ZNF514: variants seen among roughly 807,000 people sequenced by gnomAD.
ZNF514 encodes the protein zinc finger protein 514.
A neutral mutation model predicts 9.7 loss-of-function variants in ZNF514; 12 were observed. The observed-to-expected ratio is 1.24, with a 90% CI of 0.79 to 2.01. The LOEUF is 2.01. ZNF514 is among the 30% of genes most tolerant of loss of function. The pLI is 0.00. For missense variants in ZNF514, 467 were observed against 465.5 expected, an observed-to-expected ratio of 1.00 and a Z score of -0.03; for synonymous variants, 158 against 163.7, an observed-to-expected ratio of 0.97 and a Z score of 0.27.
In ZNF514 at chr2:95,147,257, A is replaced by T. The variant is rs948802708; in HGVS notation, c.*2025T>A. 2 of 152,202 alleles carry T rather than the reference A, an allele frequency of 1.3e-5. No individual in the cohort carries two copies. The highest frequency in any genetic ancestry group is 4.8e-5 in the African/African-American group (2 of 41,438). 9.4% of individuals were successfully genotyped at this position (152,202 alleles called of 1,614,324 possible). ...ACAGAAAATAAAAAGTGATACCAAAAATGCATAGATGGCTTGAAGTAACAA... is the reference window on the plus strand; with the variant it reads ...ACAGAAAATAAAAAGTGATACCAAATATGCATAGATGGCTTGAAGTAACAA... On this transcript the variant is annotated 3_prime_UTR_variant, in exon 5 of 5. Coordinates refer to ENST00000295208, the MANE Select transcript of ZNF514 (RefSeq NM_032788.3).
At chr2:95,128,242 A>G in the ZNF514 span, among the ~76,000 whole-genome samples, 227 of 152,086 alleles carry the variant, frequency 1.5e-3, no homozygotes, top group Non-Finnish European at 2.8e-3. Context: ...AAAATATAAA[A>G]AGCCAGGCAT....
downstream of ZNF514, among the ~76,000 whole-genome samples, chr2:95,142,326 T>C (rs1379398521): frequency 1.3e-5 from 2 of 152,140 alleles, no homozygotes. Flanking sequence ...AACCCAGCTG[T>C]GGTTTTACTA....
chr2:95,132,692 A>T, the ZNF514 span, among the ~76,000 whole-genome samples: 1 of 151,870 alleles, frequency 6.6e-6, no homozygotes, highest in Non-Finnish European at 1.5e-5. Flanking sequence ...ACATGGCGAA[A>T]CCCCGTCTCC....
chr2:95,133,264 G>A, the ZNF514 span, among the ~76,000 whole-genome samples: 2 of 152,176 alleles, frequency 1.3e-5, no homozygotes, highest in African/African-American at 4.8e-5. Context: ...AGCCCAGGAG[G>A]TTGATGCTGC....
At position 95,146,999 on chromosome 2, in the gene ZNF514, T is replaced by C. The variant is rs1673377107; in HGVS notation, c.*2283A>G. On this transcript the variant is annotated 3_prime_UTR_variant, in exon 5 of 5. Transcript: ENST00000295208. ...GACTCTTAGACCCAGCCTGTCTGCATGGGCCCACTTTGAGCTGGTTCCCTG... is the reference window on the plus strand; with the variant it reads ...GACTCTTAGACCCAGCCTGTCTGCACGGGCCCACTTTGAGCTGGTTCCCTG... Among the ~76,000 whole-genome samples the C allele has an allele frequency of 6.6e-6, 1 of 152,192 alleles. No individual in the cohort carries two copies. Among genetic ancestry groups the C allele is most frequent in the African/African-American group, 2.4e-5 (1 of 41,450 alleles).
rs1481046303 is a variant in ZNF514, at chr2:95,146,423, A to G, written c.*2859T>C. Among the ~76,000 whole-genome samples, 3 of 152,096 alleles carry G rather than the reference A, an allele frequency of 2.0e-5. No individual in the cohort carries two copies. Among genetic ancestry groups the G allele is most frequent in the African/African-American group, 7.2e-5 (3 of 41,416 alleles). On this transcript the variant is annotated 3_prime_UTR_variant, in exon 5 of 5. Transcript: ENST00000295208. ...GAAGGGAAATTTACACAGGTTTCTGACTGATTATGTAGGCTTTAGGTAAGT... is the reference window on the plus strand; with the variant it reads ...GAAGGGAAATTTACACAGGTTTCTGGCTGATTATGTAGGCTTTAGGTAAGT...
intron 4 of ZNF514, 41 bp from the exon 5 acceptor site, chr2:95,150,308 G>C: frequency 6.7e-7 from 1 of 1,496,052 alleles, no homozygotes; most frequent in Non-Finnish European, 8.8e-7. Flanking sequence ...ATTCTAGTAT[G>C]TAGAATGTCC....
chr2:95,159,275 AACCCAGCTC>A lies in ZNF514; in HGVS notation c.-140_-132del. ...GCTCCTCCTCAGGACCAGGCTCTGG[AACCCAGCTC>A]CCACGTGGATCCACACGCACAGTGG... On this transcript the variant is annotated 5_prime_UTR_variant, in exon 1 of 5. Coordinates refer to ENST00000295208, the MANE Select transcript of ZNF514 (RefSeq NM_032788.3). 1 of 160,668 alleles carries A rather than the reference AACCCAGCTC, an allele frequency of 6.2e-6. No homozygotes were observed. Among genetic ancestry groups the A allele is most frequent in the Non-Finnish European group, 1.4e-5 (1 of 73,720 alleles). 10.0% of individuals were successfully genotyped at this position (160,668 alleles called of 1,614,324 possible). A position where few individuals can be genotyped will look rare whatever the true frequency, so the allele number is the denominator to read the frequency against.
the ZNF514 span, among the ~76,000 whole-genome samples, chr2:95,125,433 T>G: frequency 2.0e-5 from 3 of 151,854 alleles, no homozygotes; most frequent in Non-Finnish European, 4.4e-5. Context: ...TAGAGACAGG[T>G]TTCACCATGT....
the ZNF514 span, among the ~76,000 whole-genome samples, chr2:95,123,386 G>C: frequency 6.6e-6 from 1 of 152,166 alleles, no homozygotes. Flanking sequence ...AAAAAGTATA[G>C]ATCTATACTT....
At chr2:95,133,338 A>G in the ZNF514 span, among the ~76,000 whole-genome samples, 4 of 152,206 alleles carry the variant, frequency 2.6e-5, no homozygotes, top group African/African-American at 9.6e-5. Flanking sequence ...TGTCTCAAAA[A>G]GAAAAAGAAG....
chr2:95,139,105 A>C, the ZNF514 span, among the ~76,000 whole-genome samples: 1 of 152,256 alleles, frequency 6.6e-6, no homozygotes, highest in African/African-American at 2.4e-5. Context: ...GCAAGAGTGA[A>C]GAATGCTTGT....
At chr2:95,123,823 G>A in the ZNF514 span, among the ~76,000 whole-genome samples, 1 of 152,200 alleles carries the variant, frequency 6.6e-6, no homozygotes, top group Non-Finnish European at 1.5e-5. Flanking sequence ...CAAGCCTCCA[G>A]ACTCTGTTAA....
Position 95,149,145 on chromosome 2 carries a change from A to T in ZNF514, c.*137T>A. 9.1e-7 allele frequency: 1 copy of T among 1,102,506 alleles called. No homozygotes were observed. The highest frequency in any genetic ancestry group is 1.3e-6 in the Non-Finnish European group (1 of 785,368). 68.3% of individuals were successfully genotyped at this position (1,102,506 alleles called of 1,614,324 possible). A position where few individuals can be genotyped will look rare whatever the true frequency, so the allele number is the denominator to read the frequency against. The stretch of plus-strand genomic sequence containing the variant: ...CTTGACATTGACAGGGATTCTCTTT[A>T]GTAATTATTGCCTGATGTGGAACAA... On this transcript the variant is annotated 3_prime_UTR_variant, in exon 5 of 5. Coordinates refer to ENST00000295208, the MANE Select transcript of ZNF514 (RefSeq NM_032788.3).
chr2:95,159,151 C>CAGAGCAGGGCCG (rs1235169972), intron 1 of ZNF514, 89 bp downstream of exon 1: 1 of 580,198 alleles, frequency 1.7e-6, no homozygotes, highest in African/African-American at 2.0e-5. Context: ...CTGCAGGGCC[C>CAGAGCAGGGCCG]AGAGCAGGGC....
At chr2:95,142,183 T>C (rs558820912), downstream of ZNF514, among the ~76,000 whole-genome samples, 2 of 152,308 alleles carry the variant, frequency 1.3e-5, no homozygotes, top group Admixed American at 6.5e-5. Context: ...CTTACCAACA[T>C]TGGTTATACC....
the ZNF514 span, among the ~76,000 whole-genome samples, chr2:95,126,392 A>AAAAAAAAAAAAAAAAG: frequency 6.0e-4 from 51 of 84,430 alleles, no homozygotes; most frequent in East Asian, 1.3e-3. Context: ...AAAAAAAAAA[A>AAAAAAAAAAAAAAAAG]AAAGAAAGAA....
rs1415647593 is a variant in ZNF514 at position 95,146,226 on chromosome 2, C to A, written c.*3056G>T. 6.6e-6 allele frequency among the ~76,000 whole-genome samples: 1 copy of A among 152,060 alleles called. No individual in the cohort carries two copies. Among genetic ancestry groups the A allele is most frequent in the Non-Finnish European group, 1.5e-5 (1 of 68,008 alleles). On this transcript the variant is annotated 3_prime_UTR_variant, in exon 5 of 5. Transcript: ENST00000295208. ...TTCCATTGTCATCTGGTTCAGGAAA[C>A]AAGAAAGTGGTAAAGTGATAAAAAA...
At chr2:95,133,949 G>C in the ZNF514 span, among the ~76,000 whole-genome samples, 4 of 152,114 alleles carry the variant, frequency 2.6e-5, no homozygotes, top group East Asian at 7.7e-4. Context: ...AGGAAAACTA[G>C]GTGAAGGGTA....
Sources: allele counts gnomAD v4.1 joint callset (sites outside exome capture counted in the v4.1 genomes callset), GRCh38; gene constraint gnomAD v4.1.1; transcripts MANE v1.5; gene names NCBI Gene and HGNC (gene_info 2026-07-23, HGNC 2026-07-21).